GPA33: variants seen among roughly 807,000 people sequenced by gnomAD.
GPA33 encodes the protein cell surface A33 antigen.
Under a neutral mutation model 35.6 loss-of-function variants are expected in GPA33, and 27 were observed. That is an observed-to-expected ratio of 0.76 (90% CI 0.56 to 1.04). The LOEUF is 1.04. Ranked by LOEUF, GPA33 falls within the 50% of genes least tolerant of loss-of-function variation. The pLI is 0.00. For missense variants in GPA33, 428 were observed against 411.9 expected (o/e 1.04, Z -0.34); for synonymous variants, 176 against 164.0 (o/e 1.07, Z -0.56).
intron 1 of GPA33, among the ~76,000 whole-genome samples, chr1:167,084,035 A>G (rs771230343): frequency 6.6e-6 from 1 of 152,186 alleles, no homozygotes. Context: ...AAGCAACTCA[A>G]ATCACACCAT....
intron 2 of GPA33, among the ~76,000 whole-genome samples, chr1:167,069,773 T>C (rs1666677761): frequency 1.3e-5 from 2 of 152,248 alleles, no homozygotes; most frequent in East Asian, 3.8e-4. Context: ...AAAATGGAGA[T>C]GATGACAATA....
intron 1 of GPA33, among the ~76,000 whole-genome samples, chr1:167,083,276 G>T (rs529095582): frequency 6.6e-6 from 1 of 152,202 alleles, no homozygotes; most frequent in Admixed American, 6.5e-5. Context: ...CCCAGGAAAG[G>T]AATGTGAGAC....
At chr1:167,072,557 G>C (rs1394547802) in intron 2 of GPA33, among the ~76,000 whole-genome samples, 1 of 152,076 alleles carries the variant, frequency 6.6e-6, no homozygotes, top group Non-Finnish European at 1.5e-5. Context: ...TTTTATATAT[G>C]TATATATAGA....
At chr1:167,056,551 GTGTGTATGGTA>G in intron 4 of GPA33, among the ~76,000 whole-genome samples, 2 of 64,332 alleles carry the variant, frequency 3.1e-5, no homozygotes, top group African/African-American at 5.4e-5. Flanking sequence ...TGAGAGTAGT[GTGTGTATGGTA>G]TGTGGTGTGT....
intron 4 of GPA33, among the ~76,000 whole-genome samples, chr1:167,059,203 G>A (rs891465553): frequency 2.0e-5 from 3 of 152,164 alleles, no homozygotes; most frequent in Non-Finnish European, 4.4e-5. Context: ...GGATGAACCA[G>A]TGCAGGTCTT....
At chr1:167,075,236 TG>T (rs949312103) in intron 1 of GPA33, among the ~76,000 whole-genome samples, 2 of 151,916 alleles carry the variant, frequency 1.3e-5, no homozygotes, top group Admixed American at 6.6e-5. Flanking sequence ...CTGGCAAATG[TG>T]GGGTGAACAG....
chr1:167,080,537 T>C (rs1341346176), intron 1 of GPA33, among the ~76,000 whole-genome samples: 2 of 152,216 alleles, frequency 1.3e-5, no homozygotes, highest in African/African-American at 4.8e-5. Flanking sequence ...GCACAAACAT[T>C]GCAGCCAAAC....
intron 1 of GPA33, among the ~76,000 whole-genome samples, chr1:167,080,078 C>T (rs1666895325): frequency 6.6e-6 from 1 of 152,140 alleles, no homozygotes; most frequent in Non-Finnish European, 1.5e-5. Flanking sequence ...TATCAGGTCT[C>T]CAGTTGCCCA....
At position 167,069,131 on chromosome 1, in the gene GPA33, AC is replaced by A. The variant is rs776688324; in HGVS notation, c.205del (p.Val69TrpfsTer39). 3.2e-5 allele frequency: 52 copies of A among 1,611,692 alleles called. No homozygotes were observed. The highest frequency in any genetic ancestry group is 4.4e-5 in the Non-Finnish European group (52 of 1,177,940). On this transcript the variant is annotated frameshift_variant, in exon 3 of 7. Transcript: ENST00000367868. LOFTEE classifies it high-confidence loss of function. ...DKLLLTHTER[V>X]VIWPFSNKNY... ...TTTGTTTGAAAACGGCCAGATGACC[AC>A]CCTTTCCTGGAGAGAGAAGAAATGG...
chr1:167,081,700 G>C (rs776926154), intron 1 of GPA33, among the ~76,000 whole-genome samples: 3 of 152,152 alleles, frequency 2.0e-5, no homozygotes, highest in Non-Finnish European at 4.4e-5. Context: ...TGGCTTTCCC[G>C]AGCCACTTCG....
At chr1:167,080,001 G>A (rs1666893643) in intron 1 of GPA33, among the ~76,000 whole-genome samples, 1 of 152,198 alleles carries the variant, frequency 6.6e-6, no homozygotes, top group Non-Finnish European at 1.5e-5. Context: ...AAGTTGAGAA[G>A]TGAAGCTCAT....
intron 2 of GPA33, among the ~76,000 whole-genome samples, 182 bp from the exon 3 acceptor site, chr1:167,069,320 AT>A (rs949206767): frequency 3.9e-5 from 6 of 152,014 alleles, no homozygotes; most frequent in African/African-American, 1.4e-4. Flanking sequence ...TTATATATAT[AT>A]TTTTTTAGTT....
chr1:167,056,575 G>GAA (rs1666261818), intron 4 of GPA33, among the ~76,000 whole-genome samples: 1 of 9,262 alleles, frequency 1.1e-4, no homozygotes, highest in Non-Finnish European at 3.2e-4. Flanking sequence ...TGGTGTGTGT[G>GAA]GCATATGTGT....
intron 1 of GPA33, among the ~76,000 whole-genome samples, chr1:167,085,937 A>G (rs943073370): frequency 6.6e-6 from 1 of 152,196 alleles, no homozygotes; most frequent in Non-Finnish European, 1.5e-5. Context: ...CTGACTCAGA[A>G]GGTATGGGGG....
intron 6 of GPA33, 51 bp from the exon 7 acceptor site, chr1:167,054,517 T>C: frequency 6.2e-7 from 1 of 1,611,986 alleles, no homozygotes; most frequent in Non-Finnish European, 8.5e-7. Flanking sequence ...AGGTGGACCC[T>C]CAAGGGAGCT....
chr1:167,070,898 T>A (rs1666704494), intron 2 of GPA33, among the ~76,000 whole-genome samples: 1 of 152,060 alleles, frequency 6.6e-6, no homozygotes, highest in South Asian at 2.1e-4. Context: ...GGATATTTGG[T>A]GATGTCATTT....
At position 167,063,752 on chromosome 1, in the gene GPA33, G is replaced by A. The variant is rs1257459053; in HGVS notation, c.416-15C>T. ...GGAGGGTGGCACTATATAGAGGAGA[G>A]ACCAAAGAGAAGGCATGAGGCAGGT... On this transcript the variant is annotated splice_polypyrimidine_tract_variant and intron_variant, in intron 3 of 6. Transcript: ENST00000367868. 2.5e-6 allele frequency: 4 copies of A among 1,605,604 alleles called. No individual in the cohort carries two copies. The highest frequency in any genetic ancestry group is 3.4e-6 in the Non-Finnish European group (4 of 1,175,654).
intron 1 of GPA33, among the ~76,000 whole-genome samples, chr1:167,080,904 G>C (rs887821278): frequency 6.6e-6 from 1 of 152,206 alleles, no homozygotes; most frequent in South Asian, 2.1e-4. Context: ...GGATGGGTAG[G>C]ATTTAAAACC....
In GPA33 at chr1:167,055,103, T is replaced by A. The variant is rs748168572; in HGVS notation, c.700A>T (p.Asn234Tyr). The A allele has an allele frequency of 6.2e-7, 1 of 1,612,150 alleles. No homozygotes were observed. The highest frequency in any genetic ancestry group is 8.5e-7 in the Non-Finnish European group (1 of 1,179,776). The change falls in exon 6 of 7, where the codon AAC (asparagine) becomes TAC (tyrosine). Residue 234 changes from asparagine to tyrosine, a missense_variant. By Grantham distance (143) the Asn-to-Tyr change is moderately radical (BLOSUM62 -2). Coordinates refer to ENST00000367868, the MANE Select transcript of GPA33 (RefSeq NM_005814.3). ...ITVAVRSPSM[N>Y]VALYVGIAVG... ...GCGATGCCCACATACAGGGCCACGT[T>A]CATGGAGGCTGCAAGAGGACAGAGC... is the stretch of plus-strand genomic sequence containing the variant.
Sources: gnomAD v4.1 joint callset for allele counts (sites outside exome capture counted in the v4.1 genomes callset) on GRCh38, gnomAD v4.1.1 for gene constraint, MANE v1.5 for transcripts, NCBI Gene and HGNC (gene_info 2026-07-23, HGNC 2026-07-21) for gene names.